Variants in MAST4 observed in about 807,000 individuals in gnomAD.
The protein encoded by MAST4 is microtubule associated serine/threonine kinase family member 4.
MAST4 carries 89 observed loss-of-function variants against 162.7 expected under a neutral mutation model. That is an observed-to-expected ratio of 0.55 (90% CI 0.46 to 0.65). The LOEUF (loss-of-function observed/expected upper bound fraction) is 0.65, where lower values mean the gene tolerates loss of function less well. MAST4 is among the 30% of genes least tolerant of loss of function. MAST4 has a pLI of 0.00. For missense variants in MAST4, 3,153 were observed against 3,374.0 expected, an observed-to-expected ratio of 0.93 and a Z score of 1.62; for synonymous variants, 1,479 against 1,361.1, an observed-to-expected ratio of 1.09 and a Z score of -1.91.
At chr5:67,022,791 A>G (rs1165788743) in intron 4 of MAST4, among the ~76,000 whole-genome samples, 5 of 152,192 alleles carry the variant, frequency 3.3e-5, no homozygotes, top group Admixed American at 6.5e-5. Context: ...TGTGTAATGT[A>G]TGATGCATTT....
chr5:67,033,315 C>CTCTCTGTGTGTGTGTGTG (rs1554084489), intron 4 of MAST4, among the ~76,000 whole-genome samples: 24 of 125,990 alleles, frequency 1.9e-4, no homozygotes, highest in African/African-American at 7.4e-4. Context: ...TTTCATTTCT[C>CTCTCTGTGTGTGTGTGTG]TGTGTGTGTG....
chr5:66,873,468 A>G (rs914853860), intron 3 of MAST4, among the ~76,000 whole-genome samples: 17 of 152,242 alleles, frequency 1.1e-4, no homozygotes, highest in African/African-American at 4.1e-4. Flanking sequence ...GTAACAAATT[A>G]CGGTAAACCA....
intron 3 of MAST4, among the ~76,000 whole-genome samples, chr5:66,846,512 G>C (rs571806640): frequency 6.6e-5 from 10 of 152,268 alleles, no homozygotes; most frequent in Admixed American, 3.3e-4. Context: ...GGCTTTCCTG[G>C]TCTATGGAGG....
In MAST4 at chr5:66,596,568, G is replaced by T; in HGVS notation, c.-88G>T. 1 of 1,311,036 alleles carries T rather than the reference G, an allele frequency of 7.6e-7. No individual in the cohort carries two copies. The highest frequency in any genetic ancestry group is 9.7e-7 in the Non-Finnish European group (1 of 1,032,744). The allele number at this position is 1,311,036 out of a possible 1,614,324, so 81.2% of individuals were successfully genotyped here. On this transcript the variant is annotated 5_prime_UTR_variant, in exon 1 of 29. Coordinates refer to ENST00000403625, the MANE Select transcript of MAST4 (RefSeq NM_001164664.2). ...CGGGAGCGGCAGTGCCAGTGAGCCT[G>T]AGCCCAGGAGCCCGCGTCTTCCCCG...
intron 4 of MAST4, among the ~76,000 whole-genome samples, chr5:67,032,416 T>C (rs1755452496): frequency 6.6e-6 from 1 of 152,218 alleles, no homozygotes; most frequent in Non-Finnish European, 1.5e-5. Flanking sequence ...ATTCATTTAT[T>C]CAGCAAGGTT....
At chr5:67,142,828 A>G (rs1770571154) in intron 21 of MAST4, 1 of 258,166 alleles carries the variant, frequency 3.9e-6, no homozygotes, top group African/African-American at 2.2e-5. Context: ...CGGCACCAAT[A>G]TATTTCTCTC....
chr5:66,937,054 G>T (rs1013370466), intron 4 of MAST4, among the ~76,000 whole-genome samples: 1 of 152,144 alleles, frequency 6.6e-6, no homozygotes, highest in Non-Finnish European at 1.5e-5. Flanking sequence ...CTCATTGGAG[G>T]TGGAAGGACA....
intron 4 of MAST4, among the ~76,000 whole-genome samples, chr5:67,049,455 A>G (rs1413821999): frequency 1.3e-5 from 2 of 152,090 alleles, no homozygotes; most frequent in Non-Finnish European, 2.9e-5. Flanking sequence ...GTCATGCCCT[A>G]TTTCTTCCAC....
At chr5:66,827,385 G>A (rs532356578) in intron 3 of MAST4, among the ~76,000 whole-genome samples, 61 of 152,274 alleles carry the variant, frequency 4.0e-4, no homozygotes, top group Admixed American at 8.5e-4. Flanking sequence ...TGCTGGGGTG[G>A]CATTTCTTGA....
At chr5:66,656,847 G>A (rs1479646669) in intron 1 of MAST4, among the ~76,000 whole-genome samples, 1 of 152,102 alleles carries the variant, frequency 6.6e-6, no homozygotes, top group African/African-American at 2.4e-5. Context: ...TAGTGCCTTG[G>A]AAAGGAAAAA....
intron 4 of MAST4, among the ~76,000 whole-genome samples, chr5:66,907,045 A>G (rs531605397): frequency 6.6e-6 from 1 of 152,246 alleles, no homozygotes; most frequent in South Asian, 2.1e-4. Context: ...TCCTTAGTTC[A>G]ACTAAAACTC....
rs543640927 is a variant in MAST4, at chr5:67,162,644, T to C, written c.3823T>C (p.Ser1275Pro). ...TTTCAAAAAGCTAGCCAAGCAGCCTTCTCCTTTACTCCACACCAGCCGAAG... is the reference window on the plus strand; with the variant it reads ...TTTCAAAAAGCTAGCCAAGCAGCCTCCTCCTTTACTCCACACCAGCCGAAG... The part of the protein sequence containing the change: ...SLFKKLAKQP[S>P]PLLHTSRSFS... The change falls in exon 28 of 29, where the codon TCT becomes CCT. Residue 1275 changes from serine to proline, a missense_variant. By Grantham distance (74) the Ser-to-Pro change is moderately conservative. Coordinates refer to ENST00000403625, the MANE Select transcript of MAST4 (RefSeq NM_001164664.2). 2 of 1,613,914 alleles carry C rather than the reference T, an allele frequency of 1.2e-6. No homozygotes were observed. Among genetic ancestry groups the C allele is most frequent in the Non-Finnish European group, 8.5e-7 (1 of 1,179,872 alleles).
At chr5:66,821,343 A>G (rs1489198024) in intron 3 of MAST4, among the ~76,000 whole-genome samples, 1 of 152,256 alleles carries the variant, frequency 6.6e-6, no homozygotes, top group African/African-American at 2.4e-5. Flanking sequence ...TTTAGAGGTT[A>G]GAACTTTATT....
chr5:66,719,497 GA>G (rs1247684647), intron 1 of MAST4, among the ~76,000 whole-genome samples: 1 of 152,164 alleles, frequency 6.6e-6, no homozygotes, highest in Non-Finnish European at 1.5e-5. Flanking sequence ...AAAATGAGAT[GA>G]AATCTTGTCC....
chr5:66,826,802 T>A (rs1392142559), intron 3 of MAST4, among the ~76,000 whole-genome samples: 2 of 152,192 alleles, frequency 1.3e-5, no homozygotes, highest in Non-Finnish European at 2.9e-5. Context: ...TGTCAGGACT[T>A]CCTTTTGCCT....
intron 2 of MAST4, among the ~76,000 whole-genome samples, chr5:66,781,006 T>G (rs187535729): frequency 8.5e-4 from 130 of 152,340 alleles, no homozygotes; most frequent in African/African-American, 2.7e-3. Context: ...TTTCAGCATG[T>G]CTCCAAGGTT....
At chr5:66,788,606 C>CCCAAACAAAAAAAAAAAAAAAACCAG in intron 2 of MAST4, 64 bp from the exon 3 acceptor site, 1 of 1,356,382 alleles carries the variant, frequency 7.4e-7, no homozygotes. Flanking sequence ...ACCCCCACCC[C>CCCAAACAAAAAAAAAAAAAAAACCAG]CATTGCAATA....
chr5:66,871,946 T>C (rs1580721348), intron 3 of MAST4, among the ~76,000 whole-genome samples: 2 of 152,190 alleles, frequency 1.3e-5, no homozygotes, highest in South Asian at 2.1e-4. Context: ...ACTAGTTTCA[T>C]TGACGAAAGC....
chr5:66,726,861 TG>T (rs1263540890), intron 1 of MAST4, among the ~76,000 whole-genome samples: 1 of 152,048 alleles, frequency 6.6e-6, no homozygotes, highest in Non-Finnish European at 1.5e-5. Context: ...CCCCAGTCCG[TG>T]GAAAAATTGT....
Sources: allele counts gnomAD v4.1 joint callset (sites outside exome capture counted in the v4.1 genomes callset), GRCh38; gene constraint gnomAD v4.1.1; transcripts MANE v1.5; gene names NCBI Gene and HGNC (gene_info 2026-07-23, HGNC 2026-07-21).